The following NME9 variants were observed in gnomAD, a reference collection of about 807,000 sequenced individuals.
The protein encoded by NME9 is NME/NM23 family member 9, also known as thioredoxin domain-containing protein 6.
NME9 carries 48 observed loss-of-function variants against 44.4 expected under a neutral mutation model. The observed-to-expected ratio is 1.08, with a 90% CI of 0.86 to 1.37. The LOEUF (loss-of-function observed/expected upper bound fraction) is 1.37. NME9 is among the 40% of genes most tolerant of loss of function. NME9 has a pLI of 0.00. For missense variants in NME9, 325 were observed against 405.2 expected (o/e 0.80, Z 1.70); for synonymous variants, 139 against 147.1 (o/e 0.94, Z 0.40).
intron 8 of NME9, among the ~76,000 whole-genome samples, chr3:138,277,006 C>T (rs2108323873): frequency 6.6e-6 from 1 of 152,280 alleles, no homozygotes; most frequent in East Asian, 1.9e-4. Context: ...ATTCACAACA[C>T]CTTGTTTCAA....
chr3:138,316,677 T>C (rs1030541531), intron 4 of NME9, among the ~76,000 whole-genome samples: 1 of 152,030 alleles, frequency 6.6e-6, no homozygotes, highest in African/African-American at 2.4e-5. Flanking sequence ...TTCAATGGTG[T>C]GGTCTCGGCT....
chr3:138,299,636 C>G (rs1376688218), downstream of NME9, among the ~76,000 whole-genome samples: 1 of 152,142 alleles, frequency 6.6e-6, no homozygotes. Context: ...CACAGCATCC[C>G]TGAGTCACCA....
intron 6 of NME9, among the ~76,000 whole-genome samples, chr3:138,310,148 G>A (rs978743796): frequency 6.6e-6 from 1 of 152,012 alleles, no homozygotes; most frequent in Non-Finnish European, 1.5e-5. Context: ...AACCAAAAGA[G>A]AGCAAGAGAA....
chr3:138,306,126 G>T (rs1206314847), intron 7 of NME9, 30 bp from the exon 8 acceptor site: 3 of 1,470,546 alleles, frequency 2.0e-6, no homozygotes, highest in Non-Finnish European at 2.8e-6. Context: ...ATTCTAAAAG[G>T]GTAAATCAAG....
At chr3:138,324,675 A>G (rs2053664480) in intron 2 of NME9, 198 bp downstream of exon 2, 6 of 642,088 alleles carry the variant, frequency 9.3e-6, no homozygotes, top group South Asian at 5.1e-5. Context: ...AACTGAATTT[A>G]CTGATATTCA....
chr3:138,310,511 A>C (rs766530611), intron 6 of NME9, among the ~76,000 whole-genome samples: 1 of 152,062 alleles, frequency 6.6e-6, no homozygotes, highest in Non-Finnish European at 1.5e-5. Flanking sequence ...AGAGCAAATT[A>C]TAAGCCACAA....
intron 8 of NME9, among the ~76,000 whole-genome samples, chr3:138,264,371 T>G (rs1401031572): frequency 1.3e-5 from 2 of 151,190 alleles, no homozygotes; most frequent in Non-Finnish European, 3.0e-5. Context: ...CATCTACAAA[T>G]GCTTCATGTG....
chr3:138,318,992 G>C (rs1486817337), intron 3 of NME9, among the ~76,000 whole-genome samples: 1 of 152,118 alleles, frequency 6.6e-6, no homozygotes, highest in Non-Finnish European at 1.5e-5. Context: ...GAGCCTGGGA[G>C]TTCTAGACCA....
chr3:138,296,058 A>AT, downstream of NME9: 3 of 566,706 alleles, frequency 5.3e-6, no homozygotes, highest in Non-Finnish European at 5.8e-6. Context: ...TCTTGAGAAC[A>AT]TTTTTTTGAG....
chr3:138,295,786 T>C, intron 8 of NME9: 1 of 1,544,672 alleles, frequency 6.5e-7, no homozygotes. Flanking sequence ...CCAGCTATCA[T>C]CATTGAACCA....
At chr3:138,296,105 T>C (rs1325246172), downstream of NME9, 2 of 502,378 alleles carry the variant, frequency 4.0e-6, no homozygotes, top group Non-Finnish European at 7.0e-6. Context: ...TGTTTTGTTT[T>C]GGTTTTTTTT....
chr3:138,293,450 G>C (rs1577073080), intron 8 of NME9, among the ~76,000 whole-genome samples: 1 of 151,892 alleles, frequency 6.6e-6, no homozygotes. Context: ...GAGGCAGGAG[G>C]ATCACTTGAA....
In NME9 at chr3:138,329,323, TC is replaced by T; in HGVS notation, c.12del (p.Lys5ArgfsTer25). The T allele has an allele frequency of 6.5e-7, 1 of 1,536,120 alleles. No individual in the cohort carries two copies. Among genetic ancestry groups the T allele is most frequent in the Non-Finnish European group, 8.7e-7 (1 of 1,146,908 alleles). The stretch of plus-strand genomic sequence containing the variant: ...CTTACCTGCAGGGCAATTTCCTTCT[TC>T]CTGCTGCCCATGGCTCTGCAAAGAA... The part of the protein sequence containing the change: MGS[R>X]KKEIALQVNI... On this transcript the variant is annotated frameshift_variant, in exon 1 of 11. Coordinates refer to ENST00000333911, the MANE Select transcript of NME9 (RefSeq NM_001349018.2). LOFTEE classifies it high-confidence loss of function.
At chr3:138,313,443 G>T (rs542322304) in intron 6 of NME9, among the ~76,000 whole-genome samples, 1 of 152,180 alleles carries the variant, frequency 6.6e-6, no homozygotes, top group African/African-American at 2.4e-5. Flanking sequence ...AGGATGTAGA[G>T]AAAGGGGAAT....
At chr3:138,305,100 T>C in intron 8 of NME9, 73 bp from the exon 9 acceptor site, 2 of 1,405,194 alleles carry the variant, frequency 1.4e-6, no homozygotes, top group East Asian at 4.6e-5. Flanking sequence ...CGAGCCCATC[T>C]CACCCACGGA....
chr3:138,278,948 A>T (rs1323896462), intron 8 of NME9, among the ~76,000 whole-genome samples: 2 of 152,296 alleles, frequency 1.3e-5, no homozygotes, highest in Non-Finnish European at 2.9e-5. Flanking sequence ...ATTACTTAAA[A>T]TTTTCAACAA....
intron 6 of NME9, among the ~76,000 whole-genome samples, chr3:138,308,443 AGTT>A (rs778238631): frequency 5.3e-5 from 8 of 152,224 alleles, no homozygotes; most frequent in African/African-American, 1.9e-4. Flanking sequence ...TGTCAGGTCA[AGTT>A]GTTCTCATAT....
chr3:138,320,911 A>G (rs1306401428), intron 2 of NME9, among the ~76,000 whole-genome samples: 1 of 152,238 alleles, frequency 6.6e-6, no homozygotes, highest in Non-Finnish European at 1.5e-5. Flanking sequence ...GAGGATTCAC[A>G]GTAAGTATTA....
intron 8 of NME9, chr3:138,263,981 C>A: frequency 1.1e-6 from 1 of 948,068 alleles, no homozygotes; most frequent in Non-Finnish European, 1.7e-6. Context: ...AGAGCCTGGC[C>A]TCCAAACCCC....
Sources: gnomAD v4.1 joint callset for allele counts (sites outside exome capture counted in the v4.1 genomes callset) on GRCh38, gnomAD v4.1.1 for gene constraint, MANE v1.5 for transcripts, NCBI Gene and HGNC (gene_info 2026-07-23, HGNC 2026-07-21) for gene names.